Variants in BCKDHB observed in about 807,000 individuals in gnomAD.
BCKDHB encodes branched chain keto acid dehydrogenase E1 subunit beta, also known as 2-oxoisovalerate dehydrogenase subunit beta, mitochondrial.
A neutral mutation model predicts 48.5 loss-of-function variants in BCKDHB; 41 were observed. The observed-to-expected ratio is 0.85, with a 90% CI of 0.66 to 1.10. The LOEUF is 1.10. BCKDHB is among the 50% of genes least tolerant of loss of function. BCKDHB has a pLI of 0.00. For synonymous variants in BCKDHB, 201 were observed against 174.8 expected (o/e 1.15, Z -1.18); for missense variants, 496 against 494.2 (o/e 1.00, Z -0.03).
At chr6:80,221,803 G>A (rs563283671) in intron 8 of BCKDHB, among the ~76,000 whole-genome samples, 2 of 152,200 alleles carry the variant, frequency 1.3e-5, no homozygotes, top group Admixed American at 1.3e-4. Context: ...GCAATTTTCT[G>A]CATAATTAGT....
downstream of BCKDHB, among the ~76,000 whole-genome samples, chr6:80,348,016 G>A (rs1195337935): frequency 6.6e-5 from 10 of 151,870 alleles, no homozygotes; most frequent in Admixed American, 3.3e-4. Flanking sequence ...TTTAATTTCT[G>A]TGGTTTAATG....
At chr6:80,201,644 C>G (rs937633535) in intron 7 of BCKDHB, among the ~76,000 whole-genome samples, 2 of 152,150 alleles carry the variant, frequency 1.3e-5, no homozygotes, top group Non-Finnish European at 2.9e-5. Context: ...GACCCATCCA[C>G]TGGTCAAGCC....
intron 3 of BCKDHB, among the ~76,000 whole-genome samples, chr6:80,158,183 G>T (rs1160273636): frequency 6.6e-6 from 1 of 152,146 alleles, no homozygotes; most frequent in Non-Finnish European, 1.5e-5. Context: ...TGACATTGTT[G>T]TATCTATACC....
intron 8 of BCKDHB, among the ~76,000 whole-genome samples, chr6:80,262,981 T>C (rs1161664807): frequency 6.6e-6 from 1 of 152,152 alleles, no homozygotes; most frequent in African/African-American, 2.4e-5. Flanking sequence ...GATATTTTTG[T>C]GCATTATGAG....
At chr6:80,269,202 T>C (rs1777632184) in intron 8 of BCKDHB, among the ~76,000 whole-genome samples, 1 of 151,884 alleles carries the variant, frequency 6.6e-6, no homozygotes, top group African/African-American at 2.4e-5. Context: ...AGTCATAGAG[T>C]GGCCAAACAA....
rs182601922 is a variant in BCKDHB at position 80,314,192 on chromosome 6, G to A, written c.1039-29472G>A. Among the ~76,000 whole-genome samples the A allele has an allele frequency of 1.0e-3, 155 of 152,326 alleles. No individual in the cohort carries two copies. The South Asian group carries it at 0.017, about 16-fold the overall frequency. On this transcript the variant is annotated intron_variant, in intron 9 of 9. Transcript: ENST00000320393. ...TTCAGATTATGTGATCCATTTTAGA[G>A]TATATGCTGTGTGACAATGAGAAGA...
chr6:80,258,921 G>A (rs530836823), intron 8 of BCKDHB, among the ~76,000 whole-genome samples: 2 of 152,230 alleles, frequency 1.3e-5, no homozygotes, highest in African/African-American at 2.4e-5. Context: ...TAGTTAGAAT[G>A]TAGGTCTTAT....
the BCKDHB span, among the ~76,000 whole-genome samples, chr6:80,400,506 A>G: frequency 2.1e-4 from 32 of 152,138 alleles, no homozygotes; most frequent in Non-Finnish European, 4.3e-4. Context: ...AATGCAAATC[A>G]AAACCACAAT....
chr6:80,374,396 T>G, the BCKDHB span: 1 of 793,684 alleles, frequency 1.3e-6, no homozygotes, highest in South Asian at 1.3e-5. Flanking sequence ...GTCGGAATGG[T>G]ACGCACCGTT....
At chr6:80,251,291 T>C (rs1365429687) in intron 8 of BCKDHB, among the ~76,000 whole-genome samples, 3 of 152,228 alleles carry the variant, frequency 2.0e-5, no homozygotes, top group Non-Finnish European at 2.9e-5. Flanking sequence ...AATAATGCTA[T>C]GATTTTTCAG....
chr6:80,257,939 A>G (rs1222802616), intron 8 of BCKDHB, among the ~76,000 whole-genome samples: 1 of 152,064 alleles, frequency 6.6e-6, no homozygotes, highest in Non-Finnish European at 1.5e-5. Flanking sequence ...TAACACCTCA[A>G]CTTAACTATT....
At chr6:80,300,167 T>C (rs1160969010) in intron 9 of BCKDHB, among the ~76,000 whole-genome samples, 1 of 151,646 alleles carries the variant, frequency 6.6e-6, no homozygotes, top group Non-Finnish European at 1.5e-5. Context: ...TCCTCCCACC[T>C]CAGCCTCCCA....
the BCKDHB span, among the ~76,000 whole-genome samples, chr6:80,408,030 C>T: frequency 4.9e-4 from 74 of 152,174 alleles, no homozygotes; most frequent in East Asian, 0.011. Context: ...TACATTCCAT[C>T]GACACCTAAT....
chr6:80,434,097 T>C, the BCKDHB span, among the ~76,000 whole-genome samples: 662 of 152,172 alleles, frequency 4.4e-3, 7 homozygotes, highest in African/African-American at 0.015. Context: ...AGTTTATATA[T>C]GTATATGTGT....
At chr6:80,171,894 T>C (rs951389945) in intron 6 of BCKDHB, among the ~76,000 whole-genome samples, 2 of 152,120 alleles carry the variant, frequency 1.3e-5, no homozygotes, top group African/African-American at 4.8e-5. Flanking sequence ...AAAATCCTGA[T>C]TTTATAAACA....
intron 9 of BCKDHB, among the ~76,000 whole-genome samples, chr6:80,332,058 C>T (rs1159504): frequency 0.78 from 117,669 of 151,730 alleles, 45,990 homozygotes; most frequent in Admixed American, 0.84. Context: ...AGCTGTGCTT[C>T]GCAGGGATGA....
At chr6:80,273,790 C>T (rs1777852837) in intron 9 of BCKDHB, among the ~76,000 whole-genome samples, 1 of 151,820 alleles carries the variant, frequency 6.6e-6, no homozygotes, top group Non-Finnish European at 1.5e-5. Context: ...AAAAAATGCT[C>T]ATTAAGATGC....
At chr6:80,132,589 G>A (rs1770685355) in intron 3 of BCKDHB, among the ~76,000 whole-genome samples, 1 of 152,092 alleles carries the variant, frequency 6.6e-6, no homozygotes, top group Non-Finnish European at 1.5e-5. Context: ...GCTCTTAGAG[G>A]GTACCTGCAA....
chr6:80,422,821 A>T, the BCKDHB span, among the ~76,000 whole-genome samples: 1 of 152,140 alleles, frequency 6.6e-6, no homozygotes, highest in Non-Finnish European at 1.5e-5. Context: ...AGGAAGTAAA[A>T]AACTTGTCTT....
Sources: allele counts gnomAD v4.1 joint callset (sites outside exome capture counted in the v4.1 genomes callset), GRCh38; gene constraint gnomAD v4.1.1; transcripts MANE v1.5; gene names NCBI Gene and HGNC (gene_info 2026-07-23, HGNC 2026-07-21).